Variants in GPHN observed in about 807,000 individuals in gnomAD.
GPHN encodes the protein gephyrin.
Under a neutral mutation model 95.5 loss-of-function variants are expected in GPHN, and 17 were observed. The ratio of observed to expected loss-of-function variants is 0.18; its 90% confidence interval spans 0.12 to 0.27. GPHN has a LOEUF of 0.27. Ranked by LOEUF, GPHN falls within the 10% of genes least tolerant of loss-of-function variation. The pLI, the probability that GPHN is intolerant of heterozygous loss-of-function variation, is 1.00. For synonymous variants in GPHN, 320 were observed against 322.5 expected (o/e 0.99, Z 0.08); for missense variants, 660 against 978.1 (o/e 0.67, Z 4.34).
At chr14:67,251,340 C>T in the GPHN span, among the ~76,000 whole-genome samples, 1 of 152,138 alleles carries the variant, frequency 6.6e-6, no homozygotes, top group Non-Finnish European at 1.5e-5. Context: ...TGAGACCAAC[C>T]TGGGCAACAC....
chr14:66,726,907 A>G (rs1476306262), intron 2 of GPHN, among the ~76,000 whole-genome samples: 2 of 152,218 alleles, frequency 1.3e-5, no homozygotes, highest in African/African-American at 2.4e-5. Context: ...TTATGCTACG[A>G]ATATAAGGTA....
intron 3 of GPHN, among the ~76,000 whole-genome samples, chr14:66,789,752 T>C (rs567412719): frequency 6.6e-6 from 1 of 152,328 alleles, no homozygotes; most frequent in Admixed American, 6.5e-5. Flanking sequence ...GAATCTTCTC[T>C]CTTAGTGAGG....
the GPHN span, among the ~76,000 whole-genome samples, chr14:67,528,663 G>A: frequency 6.6e-6 from 1 of 152,062 alleles, no homozygotes; most frequent in Non-Finnish European, 1.5e-5. Context: ...TCCCTCTCCT[G>A]TCCCTATCCC....
At chr14:67,284,659 A>C in the GPHN span, among the ~76,000 whole-genome samples, 1 of 142,578 alleles carries the variant, frequency 7.0e-6, no homozygotes, top group Non-Finnish European at 1.5e-5. Context: ...TATTCTGTCC[A>C]CCACCTGGCC....
chr14:66,653,175 TTC>T (rs1160497945), intron 1 of GPHN, among the ~76,000 whole-genome samples: 2 of 152,172 alleles, frequency 1.3e-5, no homozygotes, highest in Non-Finnish European at 2.9e-5. Context: ...AGTAGTACCT[TTC>T]TATCAACTTT....
the GPHN span, among the ~76,000 whole-genome samples, chr14:67,711,972 T>G: frequency 6.6e-6 from 1 of 152,174 alleles, no homozygotes; most frequent in African/African-American, 2.4e-5. Flanking sequence ...CAGGCTGAAG[T>G]GCAATGGTGC....
At chr14:67,205,124 T>C in the GPHN span, 5 of 1,524,256 alleles carry the variant, frequency 3.3e-6, no homozygotes, top group Non-Finnish European at 4.4e-6. Context: ...GCTTTAATAA[T>C]CGAGAACTAG....
intron 5 of GPHN, among the ~76,000 whole-genome samples, chr14:66,892,150 TG>T (rs1325581479): frequency 6.6e-6 from 1 of 151,936 alleles, no homozygotes; most frequent in Non-Finnish European, 1.5e-5. Flanking sequence ...GGGCTGGGTG[TG>T]GTGGTTTAAA....
At chr14:67,265,749 C>G in the GPHN span, among the ~76,000 whole-genome samples, 2 of 150,550 alleles carry the variant, frequency 1.3e-5, no homozygotes. Context: ...CCCAGCTGCT[C>G]TGGAGGCTGA....
At chr14:67,146,861 C>G (rs1280350046) in intron 18 of GPHN, among the ~76,000 whole-genome samples, 1 of 152,054 alleles carries the variant, frequency 6.6e-6, no homozygotes, top group East Asian at 1.9e-4. Context: ...TGGCAAAACC[C>G]CACCTCTACT....
the GPHN span, chr14:67,576,026 T>G: frequency 6.3e-7 from 1 of 1,578,384 alleles, no homozygotes; most frequent in Admixed American, 1.7e-5. This position sits in a 1 kb window ranked among gnomAD's most constrained non-coding sequence, Gnocchi z 4.0. Context: ...GGGCTGGGCC[T>G]CCAGGGCCAA....
At chr14:67,139,191 C>T (rs1356391355) in intron 17 of GPHN, among the ~76,000 whole-genome samples, 2 of 151,654 alleles carry the variant, frequency 1.3e-5, no homozygotes, top group African/African-American at 2.4e-5. Context: ...CCACTACACT[C>T]CAGCCTGGTC....
chr14:66,604,300 T>C (rs1434464454), intron 1 of GPHN, among the ~76,000 whole-genome samples: 2 of 152,152 alleles, frequency 1.3e-5, no homozygotes, highest in Admixed American at 6.5e-5. Context: ...TTGTTTTTTT[T>C]CTTCTACTCT....
chr14:66,873,514 G>A (rs896901743), intron 4 of GPHN, among the ~76,000 whole-genome samples: 7 of 152,236 alleles, frequency 4.6e-5, no homozygotes, highest in African/African-American at 7.2e-5. Flanking sequence ...ATCCACTGGT[G>A]TGAAATTCTC....
chr14:66,639,378 A>G (rs2064273291), intron 1 of GPHN, among the ~76,000 whole-genome samples: 1 of 152,088 alleles, frequency 6.6e-6, no homozygotes, highest in South Asian at 2.1e-4. Flanking sequence ...CCAATTAGAG[A>G]TGTATTTGAC....
chr14:67,652,362 C>G, the GPHN span: 1 of 169,218 alleles, frequency 5.9e-6, no homozygotes, highest in Non-Finnish European at 1.3e-5. Context: ...GCTGTGATGA[C>G]TGAAGTCAAT....
intron 11 of GPHN, among the ~76,000 whole-genome samples, chr14:67,067,943 G>T (rs376899305): frequency 6.6e-6 from 1 of 152,134 alleles, no homozygotes; most frequent in South Asian, 2.1e-4. Context: ...GCTTCGACTC[G>T]CCCTCCATGG....
At chr14:67,398,292 T>TCC in the GPHN span, among the ~76,000 whole-genome samples, 37 of 152,168 alleles carry the variant, frequency 2.4e-4, no homozygotes, top group African/African-American at 8.4e-4. Context: ...TGGCATGACC[T>TCC]CAGCTCACTG....
At chr14:67,463,741 G>C in the GPHN span, among the ~76,000 whole-genome samples, 1,035 of 152,122 alleles carry the variant, frequency 6.8e-3, 12 homozygotes, top group African/African-American at 0.024. Flanking sequence ...CTCAGCCTAG[G>C]GGGAGGCTAG....
Sources: gnomAD v4.1 joint callset for allele counts (sites outside exome capture counted in the v4.1 genomes callset) on GRCh38, gnomAD v4.1.1 for gene constraint, Gnocchi (gnomAD v3.1) non-coding constraint, MANE v1.5 for transcripts, NCBI Gene and HGNC (gene_info 2026-07-23, HGNC 2026-07-21) for gene names.